Variants in CCR6 observed in about 807,000 individuals in gnomAD.
CCR6 encodes C-C chemokine receptor type 6.
CCR6 carries 2 observed loss-of-function variants against 3.0 expected under a neutral mutation model. The ratio of observed to expected loss-of-function variants is 0.66; its 90% CI spans 0.27 to 2.07. CCR6 has a LOEUF of 2.07. Ranked by LOEUF, CCR6 falls within the 30% of genes most tolerant of loss-of-function variation. The pLI is 0.14. For missense variants in CCR6, 322 were observed against 462.8 expected (o/e 0.70, Z 2.79); for synonymous variants, 193 against 184.3 (o/e 1.05, Z -0.38).
At chr6:167,117,234 C>T (rs143952956) in intron 1 of CCR6, 1 of 151,876 alleles carries the variant, frequency 6.6e-6, no homozygotes, top group Non-Finnish European at 1.5e-5. Context: ...GTCCCCGTCC[C>T]CGCATCCCTC....
intron 1 of CCR6, among the ~76,000 whole-genome samples, chr6:167,117,603 G>C (rs931419800): frequency 6.6e-6 from 1 of 151,218 alleles, no homozygotes; most frequent in Non-Finnish European, 1.5e-5. Flanking sequence ...TTTTAGTAGA[G>C]ATGGGGTTTC....
chr6:167,136,342 T>C lies in CCR6; in HGVS notation c.112T>C (p.Leu38=). The part of the protein sequence containing the change: ...SVDSEMLLCS[L]QEVRQFSRLF... Reference sequence around the variant, plus strand: ...TGATTCTGAGATGTTACTGTGCTCCTTGCAGGAGGTCAGGCAGTTCTCCAG... The same window carrying C: ...TGATTCTGAGATGTTACTGTGCTCCCTGCAGGAGGTCAGGCAGTTCTCCAG... The change falls in exon 3 of 3, where the codon TTG becomes CTG. Residue 38 remains leucine, a synonymous_variant. Transcript: ENST00000341935. This position sits in a 1 kb window ranked among gnomAD's most constrained non-coding sequence, Gnocchi z 4.6. 2 of 1,614,200 alleles carry C rather than the reference T, an allele frequency of 1.2e-6. No homozygotes were observed. The highest frequency in any genetic ancestry group is 1.7e-6 in the Non-Finnish European group (2 of 1,180,020).
At chr6:167,116,239 G>A (rs1243382146) in intron 1 of CCR6, 1 of 152,230 alleles carries the variant, frequency 6.6e-6, no homozygotes, top group African/African-American at 2.4e-5. Context: ...TTGTGCTGGA[G>A]CCAGAAGGAG....
chr6:167,116,655 A>G (rs1002697609), intron 1 of CCR6: 1 of 152,172 alleles, frequency 6.6e-6, no homozygotes, highest in African/African-American at 2.4e-5. Flanking sequence ...CCCGCCCCTC[A>G]TTTCCAGTGG....
At position 167,131,007 on chromosome 6, in the gene CCR6, C is replaced by T. The variant is rs1331359247; in HGVS notation, c.-97-5031C>T. Among the ~76,000 whole-genome samples the T allele has an allele frequency of 3.3e-3, 485 of 149,222 alleles. 6 individuals are homozygous for T. The highest frequency in any genetic ancestry group is 7.4e-3 in the African/African-American group (300 of 40,398). On this transcript the variant is annotated intron_variant, in intron 1 of 2. Transcript: ENST00000341935. ...CCTCTGGACCCCCTCCCTTTGGGACCCCTCCTTCTGGGACCCCCATCCCTC... is the reference window on the plus strand; with the variant it reads ...CCTCTGGACCCCCTCCCTTTGGGACTCCTCCTTCTGGGACCCCCATCCCTC...
At chr6:167,119,488 G>C (rs1253278612), upstream of CCR6, 5 of 152,198 alleles carry the variant, frequency 3.3e-5, no homozygotes, top group African/African-American at 1.2e-4. Context: ...CTGAAAAAAT[G>C]ATTCGTATCT....
At chr6:167,130,997 C>A (rs1341756035) in intron 1 of CCR6, among the ~76,000 whole-genome samples, 3 of 140,246 alleles carry the variant, frequency 2.1e-5, no homozygotes, top group Non-Finnish European at 3.1e-5. Context: ...GGACCCCCTC[C>A]CTTTGGGACC....
chr6:167,130,790 C>G (rs11575078), intron 1 of CCR6, among the ~76,000 whole-genome samples: 63,029 of 151,708 alleles, frequency 0.42, 13,960 homozygotes, highest in Middle Eastern at 0.55. Flanking sequence ...CTTATTCTGA[C>G]ATGAGAATAA....
At chr6:167,128,580 T>G (rs1781707045) in intron 1 of CCR6, among the ~76,000 whole-genome samples, 1 of 152,244 alleles carries the variant, frequency 6.6e-6, no homozygotes, top group Non-Finnish European at 1.5e-5. Flanking sequence ...TATTTTTATT[T>G]TTTATTTTTG....
chr6:167,115,209 T>A (rs1781475046), intron 1 of CCR6: 2 of 152,218 alleles, frequency 1.3e-5, no homozygotes, highest in Non-Finnish European at 2.9e-5. Flanking sequence ...ACCCCGCAGT[T>A]GGCTGCTGGG....
intron 1 of CCR6, among the ~76,000 whole-genome samples, chr6:167,113,365 C>A (rs1266617124): frequency 1.3e-5 from 2 of 152,154 alleles, no homozygotes; most frequent in African/African-American, 4.8e-5. Flanking sequence ...CTGCTGGAGT[C>A]AGGCACGCTG....
chr6:167,117,512 G>T (rs1781517503), intron 1 of CCR6, among the ~76,000 whole-genome samples: 1 of 147,508 alleles, frequency 6.8e-6, no homozygotes, highest in South Asian at 2.1e-4. Context: ...CGCCTCCCGG[G>T]TTCACGCCAT....
At chr6:167,132,326 C>T (rs1437605336) in intron 1 of CCR6, among the ~76,000 whole-genome samples, 1 of 152,120 alleles carries the variant, frequency 6.6e-6, no homozygotes, top group Non-Finnish European at 1.5e-5. Flanking sequence ...CTTGGGTAGA[C>T]ATGTAGGAGT....
intron 1 of CCR6, among the ~76,000 whole-genome samples, chr6:167,133,543 AT>A (rs143396431): frequency 0.037 from 5,347 of 145,900 alleles, 137 homozygotes; most frequent in African/African-American, 0.07. Flanking sequence ...TGAGTCCTCC[AT>A]TTTTTTTTTA....
At chr6:167,118,491 GTTC>G (rs1391564715), upstream of CCR6, among the ~76,000 whole-genome samples, 4 of 152,116 alleles carry the variant, frequency 2.6e-5, no homozygotes, top group Admixed American at 2.6e-4. Context: ...TTCTATAACT[GTTC>G]TTCTACGTAG....
chr6:167,114,606 C>T lies in CCR6; in HGVS notation c.-98+2592C>T, dbSNP rs193229074. Among the ~76,000 whole-genome samples the T allele has an allele frequency of 2.6e-3, 397 of 152,342 alleles. 1 individual carries two copies. Among genetic ancestry groups the T allele is most frequent in the African/African-American group, 8.7e-3 (362 of 41,570 alleles). ...CCCTGGCACGGAGATGAGCAGGGCCCCCTTCTCTATGCAGAGCCCCCTGGC... is the reference window on the plus strand; with the variant it reads ...CCCTGGCACGGAGATGAGCAGGGCCTCCTTCTCTATGCAGAGCCCCCTGGC... On this transcript the variant is annotated intron_variant, in intron 1 of 2. Transcript: ENST00000400926.
At position 167,130,972 on chromosome 6, in the gene CCR6, GACCACCCTCCCTCTGGA is replaced by G. The variant is rs777613824; in HGVS notation, c.-97-5065_-97-5049del. On this transcript the variant is annotated intron_variant, in intron 1 of 2. Coordinates refer to ENST00000341935, the MANE Select transcript of CCR6 (RefSeq NM_031409.4). Reference sequence around the variant, plus strand: ...CTCCCTCCGGGACTCCTCCCTCTGGGACCACCCTCCCTCTGGACCCCCTCCCTTTGGGACCCCTCCTT... The same window carrying G: ...CTCCCTCCGGGACTCCTCCCTCTGGGCCCCCTCCCTTTGGGACCCCTCCTT... Among the ~76,000 whole-genome samples the G allele has an allele frequency of 9.6e-4, 116 of 120,814 alleles. 4 individuals are homozygous for G. The highest frequency in any genetic ancestry group is 9.2e-4 in the African/African-American group (25 of 27,126). The allele number at this position is 120,814 out of a possible 152,430, so 79.3% of individuals were successfully genotyped here.
At chr6:167,121,828 G>A (rs908246583), upstream of CCR6, among the ~76,000 whole-genome samples, 5 of 152,172 alleles carry the variant, frequency 3.3e-5, no homozygotes, top group Non-Finnish European at 5.9e-5. Context: ...AGGAATGATG[G>A]CAGCAAGAGG....
intron 1 of CCR6, among the ~76,000 whole-genome samples, chr6:167,127,853 A>G (rs1781693575): frequency 6.6e-6 from 1 of 152,162 alleles, no homozygotes; most frequent in Non-Finnish European, 1.5e-5. Context: ...AGTAAGTACT[A>G]TTTGCATGTT....
Sources: gnomAD v4.1 joint callset for allele counts (sites outside exome capture counted in the v4.1 genomes callset) on GRCh38, gnomAD v4.1.1 for gene constraint, Gnocchi (gnomAD v3.1) non-coding constraint, MANE v1.5 for transcripts, NCBI Gene and HGNC (gene_info 2026-07-23, HGNC 2026-07-21) for gene names.